Variants in MAP1A observed in about 807,000 individuals in gnomAD.
MAP1A encodes the protein microtubule-associated protein 1A.
A neutral mutation model predicts 185.9 loss-of-function variants in MAP1A; 42 were observed. That is an observed-to-expected ratio of 0.23 (90% CI 0.18 to 0.29). The LOEUF is 0.29. Among genes scored for constraint, MAP1A ranks in the 10% least tolerant of loss-of-function variants. The pLI is 1.00. For missense variants in MAP1A, 2,995 were observed against 3,450.4 expected, an observed-to-expected ratio of 0.87 and a Z score of 3.31; for synonymous variants, 1,229 against 1,335.9, an observed-to-expected ratio of 0.92 and a Z score of 1.74.
rs776861005 is a variant in MAP1A, at chr15:43,524,282, G to A, written c.2809G>A (p.Ala937Thr). Residue 937 changes from alanine to threonine, a missense_variant, in exon 4 of 6, where the codon GCT becomes ACT. Around this residue, in one of 3 missense-constraint regions of MAP1A, gnomAD observed 2,728 missense variants for 2,986.0 expected, o/e 0.91. Transcript: ENST00000300231. ...IIGKGLSGER[A>T]VEEEEEETAN... ...AGGGAAAGGCTTGTCTGGAGAGAGA[G>A]CTGTGGAAGAGGAAGAGGAGGAGAC... 1 of 1,614,216 alleles carries A rather than the reference G, an allele frequency of 6.2e-7. No individual in the cohort carries two copies. The highest frequency in any genetic ancestry group is 8.5e-7 in the Non-Finnish European group (1 of 1,180,042).
chr15:43,527,068 A>G lies in MAP1A; in HGVS notation c.5595A>G (p.Thr1865=). The G allele has an allele frequency of 1.9e-6, 3 of 1,569,308 alleles. No individual in the cohort carries two copies. In the South Asian group the frequency reaches 3.6e-5, roughly 19 times the overall value. Reference sequence around the variant, plus strand: ...TCTCCCCAGCTCCTGGTCCCCCCACACCTGCCCCGGAATCCCATACTCCTG... The same window carrying G: ...TCTCCCCAGCTCCTGGTCCCCCCACGCCTGCCCCGGAATCCCATACTCCTG... ...APLSPAPGPP[T]PAPESHTPAP... Residue 1865 remains threonine (T), a synonymous_variant, in exon 4 of 6, where the codon ACA becomes ACG. Coordinates refer to ENST00000300231, the MANE Select transcript of MAP1A (RefSeq NM_002373.6).
chr15:43,516,095 A>G (rs1215848694), upstream of MAP1A, among the ~76,000 whole-genome samples: 1 of 152,182 alleles, frequency 6.6e-6, no homozygotes, highest in Non-Finnish European at 1.5e-5. Flanking sequence ...CAGGGAGGAG[A>G]TAGAAGGCTT....
rs2079319534 is a variant in MAP1A at position 43,521,608 on chromosome 15, T to G, written c.135T>G (p.Gly45=). The G allele has an allele frequency of 6.2e-7, 1 of 1,613,972 alleles. No individual in the cohort carries two copies. The highest frequency in any genetic ancestry group is 8.5e-7 in the Non-Finnish European group (1 of 1,180,042). ...LSKPCCYIFP[G]GRGDSALFAV... ...AGCCTTGTTGCTACATCTTCCCAGGTGGTCGTGGGGACTCTGCCCTCTTTG... is the reference window on the plus strand; with the variant it reads ...AGCCTTGTTGCTACATCTTCCCAGGGGGTCGTGGGGACTCTGCCCTCTTTG... Residue 45 remains glycine (G), a synonymous_variant, in exon 4 of 6, where the codon GGT becomes GGG. Transcript: ENST00000300231. The surrounding 1 kb of genome is among the most constrained non-coding windows in gnomAD (Gnocchi z 4.6).
In MAP1A at chr15:43,526,440, C is replaced by A; in HGVS notation, c.4967C>A (p.Thr1656Asn). 2 of 1,614,090 alleles carry A rather than the reference C, an allele frequency of 1.2e-6. No homozygotes were observed. The highest frequency in any genetic ancestry group is 2.2e-5 in the South Asian group (2 of 91,084). Reference protein sequence around the residue: ...VVQEWQETSPTREEPAGEQKE... With the variant: ...VVQEWQETSPNREEPAGEQKE... ...CAGGAGTGGCAAGAAACATCTCCTA[C>A]CAGAGAGGAGCCGGCTGGAGAACAG... The change falls in exon 4 of 6, where the codon ACC (threonine) becomes AAC (asparagine). Residue 1656 changes from threonine to asparagine, a missense_variant. Thr to Asn is a moderately conservative substitution (Grantham distance 65). Around this residue, in one of 3 missense-constraint regions of MAP1A, gnomAD observed 2,728 missense variants for 2,986.0 expected, o/e 0.91. Transcript: ENST00000300231. The surrounding 1 kb of genome is among the most constrained non-coding windows in gnomAD (Gnocchi z 4.7).
rs1566976945 is a variant in MAP1A at position 43,521,484 on chromosome 15, T to C, written c.11T>C (p.Val4Ala). 1 of 1,614,138 alleles carries C rather than the reference T, an allele frequency of 6.2e-7. No individual in the cohort carries two copies. The highest frequency in any genetic ancestry group is 8.5e-7 in the Non-Finnish European group (1 of 1,180,022). MDG[V>A]AEFSEYVSET... ...CCCACTCTGCCCACCATGGACGGCG[T>C]GGCTGAGTTCTCCGAGTATGTCTCT... Residue 4 changes from valine (V) to alanine (A), a missense_variant, in exon 4 of 6, where the codon GTG becomes GCG. By Grantham distance (64) the Val-to-Ala change is moderately conservative. Transcript: ENST00000300231. This position sits in a 1 kb window ranked among gnomAD's most constrained non-coding sequence, Gnocchi z 4.6.
Position 43,525,996 on chromosome 15 carries a change from A to G in MAP1A, c.4523A>G (p.His1508Arg). 2 of 1,613,942 alleles carry G rather than the reference A, an allele frequency of 1.2e-6. No homozygotes were observed. Among genetic ancestry groups the G allele is most frequent in the East Asian group, 2.2e-5 (1 of 44,890 alleles). ...GATCAAAAAGTCAGAAGTGTTGAACATAAGGCTCCGGAGGACACGGTCGCT... is the reference window on the plus strand; with the variant it reads ...GATCAAAAAGTCAGAAGTGTTGAACGTAAGGCTCCGGAGGACACGGTCGCT... ...ALDQKVRSVE[H>R]KAPEDTVAEM... The change falls in exon 4 of 6, where the codon CAT becomes CGT. Residue 1508 changes from histidine (H) to arginine (R), a missense_variant. Around this residue, in one of 3 missense-constraint regions of MAP1A, gnomAD observed 2,728 missense variants for 2,986.0 expected, o/e 0.91. Transcript: ENST00000300231.
rs772901120 is a variant in MAP1A, at chr15:43,522,806, AAGG to A, written c.1339_1341del (p.Glu447del). The A allele has an allele frequency of 4.4e-6, 7 of 1,579,774 alleles. No homozygotes were observed. The highest frequency in any genetic ancestry group is 1.3e-5 in the African/African-American group (1 of 74,458). On this transcript the variant is annotated inframe_deletion, in exon 4 of 6. Coordinates refer to ENST00000300231, the MANE Select transcript of MAP1A (RefSeq NM_002373.6). The surrounding 1 kb of genome is among the most constrained non-coding windows in gnomAD (Gnocchi z 5.9). ...GAAGGAGGAGAAGAAGGATGCCAAG[AAGG>A]AGGAGAAGAGGAAAGATACCAAACC... is the stretch of plus-strand genomic sequence containing the variant.
chr15:43,520,789 G>A, intron 2 of MAP1A, 66 bp downstream of exon 2: 2 of 1,396,118 alleles, frequency 1.4e-6, no homozygotes, highest in Non-Finnish European at 2.0e-6. Flanking sequence ...CCTTGCCAGT[G>A]CTACCACTAT....
At position 43,523,002 on chromosome 15, in the gene MAP1A, G is replaced by A; in HGVS notation, c.1529G>A (p.Gly510Glu). Residue 510 changes from glycine to glutamate, a missense_variant, in exon 4 of 6, where the codon GGA becomes GAA. Transcript: ENST00000300231. ...SEPQTPPAQK[G>E]TVPLPTISGH... ...CCCCAGACACCCCCAGCCCAGAAGG[G>A]AACTGTACCACTCCCAACCATCAGT... 1 of 1,614,178 alleles carries A rather than the reference G, an allele frequency of 6.2e-7. No homozygotes were observed. Among genetic ancestry groups the A allele is most frequent in the South Asian group, 1.1e-5 (1 of 91,084 alleles).
In MAP1A at chr15:43,521,896, G is replaced by A; in HGVS notation, c.423G>A (p.Glu141=). The stretch of plus-strand genomic sequence containing the variant: ...GAGTTGTCTTTTTCAACGTGCCTGA[G>A]AAGCTGCGGCTTCCTGATGCCTCCC... ...ELGVVFFNVP[E]KLRLPDASRK... The change falls in exon 4 of 6, where the codon GAG becomes GAA. Residue 141 remains glutamate, a synonymous_variant. Transcript: ENST00000300231. This position sits in a 1 kb window ranked among gnomAD's most constrained non-coding sequence, Gnocchi z 4.6. 1 of 1,614,168 alleles carries A rather than the reference G, an allele frequency of 6.2e-7. No individual in the cohort carries two copies. Among genetic ancestry groups the A allele is most frequent in the Non-Finnish European group, 8.5e-7 (1 of 1,180,004 alleles).
In MAP1A at chr15:43,523,264, A is replaced by G; in HGVS notation, c.1791A>G (p.Pro597=). The G allele has an allele frequency of 6.2e-7, 1 of 1,613,928 alleles. No homozygotes were observed. The highest frequency in any genetic ancestry group is 8.5e-7 in the Non-Finnish European group (1 of 1,179,900). ...EHVMKEKELV[P]EVPEEQGSKD... is the part of the protein sequence containing the mutation. ...TGATGAAGGAGAAAGAGCTTGTCCCAGAGGTCCCTGAGGAACAAGGCAGCA... is the reference window on the plus strand; with the variant it reads ...TGATGAAGGAGAAAGAGCTTGTCCCGGAGGTCCCTGAGGAACAAGGCAGCA... The change falls in exon 4 of 6, where the codon CCA becomes CCG. Residue 597 remains proline, a synonymous_variant. Coordinates refer to ENST00000300231, the MANE Select transcript of MAP1A (RefSeq NM_002373.6).
At chr15:43,519,436 A>C (rs1441230923) in intron 1 of MAP1A, among the ~76,000 whole-genome samples, 1 of 152,162 alleles carries the variant, frequency 6.6e-6, no homozygotes. Context: ...CTCTTGTCCA[A>C]GCACCAGAAA....
In MAP1A at chr15:43,529,501, A is replaced by C. The variant is rs2079362475; in HGVS notation, c.8028A>C (p.Ala2676=). The change falls in exon 4 of 6, where the codon GCA becomes GCC. Residue 2676 remains alanine (A), a synonymous_variant. Coordinates refer to ENST00000300231, the MANE Select transcript of MAP1A (RefSeq NM_002373.6). This position sits in a 1 kb window ranked among gnomAD's most constrained non-coding sequence, Gnocchi z 4.3. ...MSKGLVNGLK[A]GPMALSSKGS... ...AAGGCCTAGTCAATGGACTCAAGGC[A>C]GGACCAAGTAAGTATATCATGAAAC... The C allele has an allele frequency of 4.4e-6, 7 of 1,604,528 alleles. No homozygotes were observed. Among genetic ancestry groups the C allele is most frequent in the Non-Finnish European group, 6.0e-6 (7 of 1,173,906 alleles).
rs763674993 is a variant in MAP1A, at chr15:43,526,839, C to T, written c.5366C>T (p.Thr1789Ile). ...CCACCAGAGGAAGAGGACAAACTGA[C>T]CCGCTCTCCCTTTGAGATCATCTCC... Reference protein sequence around the residue: ...GLPPEEEDKLTRSPFEIISPP... With the variant: ...GLPPEEEDKLIRSPFEIISPP... Residue 1789 changes from threonine to isoleucine, a missense_variant, in exon 4 of 6, where the codon ACC (threonine) becomes ATC (isoleucine). By Grantham distance (89) the Thr-to-Ile change is moderately conservative. Around this residue, in one of 3 missense-constraint regions of MAP1A, gnomAD observed 2,728 missense variants for 2,986.0 expected, o/e 0.91. Transcript: ENST00000300231. This position sits in a 1 kb window ranked among gnomAD's most constrained non-coding sequence, Gnocchi z 4.7. 3 of 1,614,124 alleles carry T rather than the reference C, an allele frequency of 1.9e-6. No individual in the cohort carries two copies. Among genetic ancestry groups the T allele is most frequent in the East Asian group, 4.5e-5 (2 of 44,870 alleles).
rs754652822 is a variant in MAP1A, at chr15:43,529,193, C to G, written c.7720C>G (p.Arg2574Gly). ...PQPDPRPSPP[R>G]PDVCMADPEG... The stretch of plus-strand genomic sequence containing the variant: ...GCCAGACCCCCGCCCATCCCCTCCC[C>G]GCCCTGATGTGTGCATGGCTGACCC... Residue 2574 changes from arginine to glycine, a missense_variant, in exon 4 of 6, where the codon CGC becomes GGC. This residue lies in a region of MAP1A where 2,728 missense variants were observed against 2,986.0 expected (regional missense o/e 0.91). Transcript: ENST00000300231. This position sits in a 1 kb window ranked among gnomAD's most constrained non-coding sequence, Gnocchi z 4.3. 43 of 1,612,290 alleles carry G rather than the reference C, an allele frequency of 2.7e-5. No homozygotes were observed. The highest frequency in any genetic ancestry group is 3.6e-5 in the Non-Finnish European group (43 of 1,179,202).
chr15:43,523,897 A>C lies in MAP1A; in HGVS notation c.2424A>C (p.Glu808Asp). ...AAGTCTATGGAACGCCAGAGACTGA[A>C]CTCACCTACCCCACTAACATAGTGG... ...SGKVYGTPET[E>D]LTYPTNIVAA... The change falls in exon 4 of 6, where the codon GAA becomes GAC. Residue 808 changes from glutamate to aspartate, a missense_variant. By Grantham distance (45) the Glu-to-Asp change is conservative. Around this residue, in one of 3 missense-constraint regions of MAP1A, gnomAD observed 2,728 missense variants for 2,986.0 expected, o/e 0.91. Coordinates refer to ENST00000300231, the MANE Select transcript of MAP1A (RefSeq NM_002373.6). The C allele has an allele frequency of 6.2e-7, 1 of 1,614,144 alleles. No homozygotes were observed. The highest frequency in any genetic ancestry group is 8.5e-7 in the Non-Finnish European group (1 of 1,180,030).
Position 43,529,631 on chromosome 15 carries a change from T to C in MAP1A, c.8036-19T>C, listed in dbSNP as rs1322520557. The C allele has an allele frequency of 6.2e-7, 1 of 1,612,972 alleles. No homozygotes were observed. ...GGTTCTACTTTTCCTCTACAATGAA[T>C]CCTGGCTTGTCTCTACAGTGGCCTT... is the stretch of plus-strand genomic sequence containing the variant. On this transcript the variant is annotated intron_variant, in intron 4 of 5. Coordinates refer to ENST00000300231, the MANE Select transcript of MAP1A (RefSeq NM_002373.6). The surrounding 1 kb of genome is among the most constrained non-coding windows in gnomAD (Gnocchi z 4.3).
Position 43,527,696 on chromosome 15 carries a change from C to T in MAP1A, c.6223C>T (p.Pro2075Ser). 3.1e-6 allele frequency: 5 copies of T among 1,613,130 alleles called. No individual in the cohort carries two copies. Among genetic ancestry groups the T allele is most frequent in the Non-Finnish European group, 4.2e-6 (5 of 1,179,584 alleles). ...RAPILSKGPS[P>S]PLNGNILSCS... ...TCCTATCCTGAGCAAAGGCCCAAGC[C>T]CCCCTCTTAATGGTAACATCCTGAG... Residue 2075 changes from proline to serine, a missense_variant, in exon 4 of 6, where the codon CCC becomes TCC. By Grantham distance (74) the Pro-to-Ser change is moderately conservative. Transcript: ENST00000300231.
In MAP1A at chr15:43,528,253, C is replaced by G; in HGVS notation, c.6780C>G (p.Ser2260=). 1 of 1,614,124 alleles carries G rather than the reference C, an allele frequency of 6.2e-7. No individual in the cohort carries two copies. The highest frequency in any genetic ancestry group is 1.1e-5 in the South Asian group (1 of 91,088). ...PASPALSEGS[S]SEATTPVISS... Reference sequence around the variant, plus strand: ...CACCAGCCCTGTCTGAGGGCTCCTCCTCTGAGGCTACCACGCCTGTGATTT... The same window carrying G: ...CACCAGCCCTGTCTGAGGGCTCCTCGTCTGAGGCTACCACGCCTGTGATTT... The change falls in exon 4 of 6, where the codon TCC becomes TCG. Residue 2260 remains serine (S), a synonymous_variant. Coordinates refer to ENST00000300231, the MANE Select transcript of MAP1A (RefSeq NM_002373.6).
Sources: allele counts gnomAD v4.1 joint callset (sites outside exome capture counted in the v4.1 genomes callset), GRCh38; gene constraint gnomAD v4.1.1; regional missense constraint gnomAD v4.1.1; non-coding constraint Gnocchi (gnomAD v3.1); transcripts MANE v1.5; gene names NCBI Gene and HGNC (gene_info 2026-07-23, HGNC 2026-07-21).